Variants in NTRK3 observed in about 807,000 individuals in gnomAD.
NTRK3 encodes the protein NT-3 growth factor receptor.
Under a neutral mutation model 91.7 loss-of-function variants are expected in NTRK3, and 24 were observed. That is an observed-to-expected ratio of 0.26 (90% CI 0.19 to 0.37). NTRK3 has a LOEUF of 0.37. Ranked by LOEUF, NTRK3 falls within the 10% of genes least tolerant of loss-of-function variation. NTRK3 has a pLI of 1.00. For missense variants in NTRK3, 880 were observed against 1,068.9 expected (o/e 0.82, Z 2.46); for synonymous variants, 483 against 404.0 (o/e 1.20, Z -2.34).
intron 14 of NTRK3, among the ~76,000 whole-genome samples, chr15:87,985,497 G>T (rs974287455): frequency 6.6e-6 from 1 of 152,170 alleles, no homozygotes; most frequent in Non-Finnish European, 1.5e-5. Flanking sequence ...TGTATACTGT[G>T]TAGCTAAGAG....
chr15:87,894,921 C>G (rs147621753), intron 17 of NTRK3, among the ~76,000 whole-genome samples: 215 of 152,266 alleles, frequency 1.4e-3, no homozygotes, highest in South Asian at 2.9e-3. Context: ...TCTCAGCCAC[C>G]TGATCATTTA....
At chr15:88,190,086 G>T (rs1597856206) in intron 3 of NTRK3, among the ~76,000 whole-genome samples, 1 of 152,076 alleles carries the variant, frequency 6.6e-6, no homozygotes, top group African/African-American at 2.4e-5. Context: ...ACAGGAACTC[G>T]GTCGGTGGGA....
chr15:88,064,283 T>C (rs887639010), intron 13 of NTRK3, among the ~76,000 whole-genome samples: 1 of 152,228 alleles, frequency 6.6e-6, no homozygotes, highest in Non-Finnish European at 1.5e-5. Flanking sequence ...TACATTTCCA[T>C]TGTTTTAAGC....
chr15:88,133,242 C>A (rs1488338076), intron 10 of NTRK3, among the ~76,000 whole-genome samples: 1 of 152,098 alleles, frequency 6.6e-6, no homozygotes, highest in East Asian at 1.9e-4. Flanking sequence ...TGCTGCATCT[C>A]GTGGGGGCAG....
chr15:88,058,215 C>T (rs1035251783), intron 13 of NTRK3, among the ~76,000 whole-genome samples: 4 of 152,102 alleles, frequency 2.6e-5, no homozygotes, highest in African/African-American at 9.7e-5. Context: ...TCCAGAGTGG[C>T]AGGTAAGCAC....
At chr15:88,027,421 C>T (rs530634994) in intron 14 of NTRK3, among the ~76,000 whole-genome samples, 2 of 152,266 alleles carry the variant, frequency 1.3e-5, no homozygotes, top group East Asian at 1.9e-4. Flanking sequence ...CTCGCTCTGT[C>T]GCCCAGGCTG....
intron 13 of NTRK3, among the ~76,000 whole-genome samples, chr15:88,084,017 T>A (rs1410781649): frequency 6.6e-6 from 1 of 152,080 alleles, no homozygotes; most frequent in Non-Finnish European, 1.5e-5. Context: ...TTAATCCATA[T>A]GTCTCTGATT....
At chr15:88,158,927 G>GA (rs1337700281) in intron 5 of NTRK3, among the ~76,000 whole-genome samples, 1 of 152,202 alleles carries the variant, frequency 6.6e-6, no homozygotes, top group African/African-American at 2.4e-5. Context: ...GCATCTGTGG[G>GA]AAAAATCAAG....
At chr15:87,924,389 C>T (rs565738124) in intron 17 of NTRK3, among the ~76,000 whole-genome samples, 1 of 152,200 alleles carries the variant, frequency 6.6e-6, no homozygotes, top group South Asian at 2.1e-4. Context: ...TCTGGGAACC[C>T]TGACCCAGAA....
In NTRK3 at chr15:88,066,951, T is replaced by A. The variant is rs112516195; in HGVS notation, c.1397-33906A>T. 2.1e-3 allele frequency among the ~76,000 whole-genome samples: 318 copies of A among 152,320 alleles called. 4 individuals carry two copies. Among genetic ancestry groups the A allele is most frequent in the African/African-American group, 6.9e-3 (286 of 41,556 alleles). On this transcript the variant is annotated intron_variant, in intron 13 of 18. Transcript: ENST00000394480. Reference sequence around the variant, plus strand: ...GTAGTTCCTTTCTCCCAGGCTCCACTGGCCCTTCCACATTCCTGCATCAAC... The same window carrying A: ...GTAGTTCCTTTCTCCCAGGCTCCACAGGCCCTTCCACATTCCTGCATCAAC...
At chr15:88,088,638 T>C (rs1396325718) in intron 13 of NTRK3, among the ~76,000 whole-genome samples, 1 of 152,230 alleles carries the variant, frequency 6.6e-6, no homozygotes, top group Middle Eastern at 3.2e-3. Context: ...AGTAATATGG[T>C]AATAATAATG....
At chr15:88,182,078 G>A (rs1396761988) in intron 5 of NTRK3, among the ~76,000 whole-genome samples, 1 of 152,120 alleles carries the variant, frequency 6.6e-6, no homozygotes, top group Non-Finnish European at 1.5e-5. Context: ...AGGCTACCCT[G>A]GGGCAAGGGG....
chr15:88,209,573 G>T (rs1209968670), intron 3 of NTRK3, among the ~76,000 whole-genome samples: 2 of 152,234 alleles, frequency 1.3e-5, no homozygotes, highest in African/African-American at 2.4e-5. Flanking sequence ...ATAAGCAACA[G>T]CAGAAAGACC....
intron 5 of NTRK3, among the ~76,000 whole-genome samples, chr15:88,166,627 T>C (rs2044985824): frequency 6.6e-6 from 1 of 152,166 alleles, no homozygotes; most frequent in Non-Finnish European, 1.5e-5. Context: ...TCAGTTTCCC[T>C]CCCAAGAAGA....
intron 17 of NTRK3, among the ~76,000 whole-genome samples, chr15:87,908,897 G>A (rs1196589691): frequency 3.3e-5 from 5 of 151,676 alleles, no homozygotes; most frequent in Non-Finnish European, 2.9e-5. Context: ...GACGCAATGG[G>A]CTTCCCTCCA....
At chr15:88,156,376 A>C (rs747770690) in intron 5 of NTRK3, among the ~76,000 whole-genome samples, 3 of 152,190 alleles carry the variant, frequency 2.0e-5, no homozygotes, top group Non-Finnish European at 4.4e-5. Flanking sequence ...AATCAAGTCC[A>C]AACTCCACCT....
At chr15:88,151,023 G>A (rs930337541) in intron 5 of NTRK3, among the ~76,000 whole-genome samples, 1 of 152,004 alleles carries the variant, frequency 6.6e-6, no homozygotes, top group Non-Finnish European at 1.5e-5. Context: ...AGAACACCCT[G>A]CCTCTGAGCC....
At chr15:88,159,466 G>T (rs975483094) in intron 5 of NTRK3, among the ~76,000 whole-genome samples, 1 of 152,182 alleles carries the variant, frequency 6.6e-6, no homozygotes, top group South Asian at 2.1e-4. Flanking sequence ...CAGGCCTGGA[G>T]AATTTGCTTT....
At chr15:88,037,562 A>G (rs188941895) in intron 13 of NTRK3, among the ~76,000 whole-genome samples, 108 of 151,516 alleles carry the variant, frequency 7.1e-4, no homozygotes, top group Non-Finnish European at 1.2e-3. Flanking sequence ...ACTCCCTCTC[A>G]AAAGAAAGAA....
Sources: gnomAD v4.1 joint callset for allele counts (sites outside exome capture counted in the v4.1 genomes callset) on GRCh38, gnomAD v4.1.1 for gene constraint, MANE v1.5 for transcripts, NCBI Gene and HGNC (gene_info 2026-07-23, HGNC 2026-07-21) for gene names.